The following COPG2 variants were observed in gnomAD, a reference collection of about 807,000 sequenced individuals.
COPG2 encodes the protein coatomer subunit gamma-2.
In COPG2, 37 loss-of-function variants were observed where a neutral mutation model predicts 46.3. That is an observed-to-expected ratio of 0.80 (90% CI 0.61 to 1.05). The LOEUF is 1.05. COPG2 is among the 50% of genes least tolerant of loss of function. The pLI is 0.00. For missense variants in COPG2, 427 were observed against 387.8 expected, an observed-to-expected ratio of 1.10 and a Z score of -0.85; for synonymous variants, 159 against 129.7, an observed-to-expected ratio of 1.23 and a Z score of -1.53.
intron 5 of COPG2, among the ~76,000 whole-genome samples, chr7:130,617,279 CAAA>C (rs1388507352): frequency 6.6e-6 from 1 of 152,068 alleles, no homozygotes; most frequent in Non-Finnish European, 1.5e-5. Flanking sequence ...TAGTAAAAAG[CAAA>C]AAGTCCTTTG....
intron 20 of COPG2, among the ~76,000 whole-genome samples, chr7:130,518,990 A>AGC (rs1295015970): frequency 1.6e-5 from 2 of 125,122 alleles, no homozygotes. Context: ...TGGGCAACAG[A>AGC]GTGAGACTCT....
In COPG2 at chr7:130,520,840, A is replaced by C. The variant is rs899680509; in HGVS notation, c.2150-12181T>G. Reference sequence around the variant, plus strand: ...TTGAAAACATTCCATTGTTCCTTGCAGTATAGAAGGCAAATGCAATTATAG... The same window carrying C: ...TTGAAAACATTCCATTGTTCCTTGCCGTATAGAAGGCAAATGCAATTATAG... On this transcript the variant is annotated intron_variant, in intron 20 of 23. Coordinates refer to ENST00000425248, the MANE Select transcript of COPG2 (RefSeq NM_012133.6). 2.6e-5 allele frequency among the ~76,000 whole-genome samples: 4 copies of C among 152,212 alleles called. No homozygotes were observed. The East Asian group carries it at 7.7e-4, about 29-fold the overall frequency.
chr7:130,524,411 C>A (rs1799755148), intron 20 of COPG2, among the ~76,000 whole-genome samples: 1 of 152,130 alleles, frequency 6.6e-6, no homozygotes, highest in Non-Finnish European at 1.5e-5. Flanking sequence ...GGAGAAACGA[C>A]CAACCTGCGC....
chr7:130,564,149 A>G (rs1793764259), intron 10 of COPG2, 111 bp downstream of exon 10: 11 of 397,796 alleles, frequency 2.8e-5, no homozygotes, highest in Non-Finnish European at 4.4e-5. Context: ...AAGGCTATAT[A>G]TACACAGAGC....
intron 5 of COPG2, among the ~76,000 whole-genome samples, chr7:130,633,886 T>A (rs1325064209): frequency 3.3e-5 from 5 of 152,252 alleles, no homozygotes; most frequent in African/African-American, 1.2e-4. Context: ...CATTTTGAGT[T>A]AATTTTTGTA....
At chr7:130,632,828 G>C (rs1795256530) in intron 5 of COPG2, among the ~76,000 whole-genome samples, 1 of 151,948 alleles carries the variant, frequency 6.6e-6, no homozygotes, top group Non-Finnish European at 1.5e-5. Context: ...ATGTGCCACG[G>C]TGGTTTGCTG....
At chr7:130,654,088 A>G (rs1422421541) in intron 4 of COPG2, among the ~76,000 whole-genome samples, 1 of 152,206 alleles carries the variant, frequency 6.6e-6, no homozygotes, top group African/African-American at 2.4e-5. Flanking sequence ...TACTTATCCA[A>G]TGAAAAATTA....
chr7:130,518,966 A>G (rs1799701986), intron 20 of COPG2, among the ~76,000 whole-genome samples: 1 of 147,430 alleles, frequency 6.8e-6, no homozygotes, highest in Admixed American at 6.9e-5. Context: ...AGATGGCACC[A>G]CTGCACTCCA....
At chr7:130,655,307 G>T (rs1795827721) in intron 4 of COPG2, among the ~76,000 whole-genome samples, 1 of 151,820 alleles carries the variant, frequency 6.6e-6, no homozygotes, top group South Asian at 2.1e-4. Flanking sequence ...TTTAGTGTAA[G>T]GTTATAGTAT....
At chr7:130,636,142 A>C (rs1205527734) in intron 5 of COPG2, among the ~76,000 whole-genome samples, 5 of 152,136 alleles carry the variant, frequency 3.3e-5, no homozygotes, top group African/African-American at 1.2e-4. Context: ...CAATTTTAGA[A>C]TATGTCCAAT....
intron 3 of COPG2, 23 bp downstream of exon 3, chr7:130,666,826 T>C (rs1427696055): frequency 2.8e-6 from 3 of 1,078,678 alleles, no homozygotes; most frequent in Non-Finnish European, 4.2e-6. Flanking sequence ...CACACTTATC[T>C]GAGGAAAATA....
chr7:130,512,273 T>C (rs377487727), intron 20 of COPG2, among the ~76,000 whole-genome samples: 110 of 150,526 alleles, frequency 7.3e-4, no homozygotes, highest in Non-Finnish European at 9.0e-4. Context: ...CCAAGCCCCA[T>C]TGCACTCCAG....
chr7:130,563,710 C>T (rs1377634328), intron 10 of COPG2, among the ~76,000 whole-genome samples: 1 of 131,958 alleles, frequency 7.6e-6, no homozygotes, highest in African/African-American at 2.8e-5. Context: ...GCCGAGCTAT[C>T]GTGCCACTGC....
intron 14 of COPG2, among the ~76,000 whole-genome samples, chr7:130,554,024 G>A (rs1793576046): frequency 6.6e-6 from 1 of 152,164 alleles, no homozygotes; most frequent in African/African-American, 2.4e-5. Flanking sequence ...CATGCAGGCA[G>A]CTAATAACGG....
intron 9 of COPG2, among the ~76,000 whole-genome samples, chr7:130,575,843 T>C (rs898087721): frequency 1.3e-5 from 2 of 152,050 alleles, no homozygotes; most frequent in Admixed American, 6.5e-5. Flanking sequence ...ACCTAACACA[T>C]ACTCTCATAA....
chr7:130,512,116 C>T (rs1325085053), intron 20 of COPG2, among the ~76,000 whole-genome samples: 2 of 150,002 alleles, frequency 1.3e-5, no homozygotes, highest in Non-Finnish European at 3.0e-5. Flanking sequence ...TGCTTGTAAT[C>T]CCAGCTACTT....
At chr7:130,638,956 C>G (rs1795404371) in intron 5 of COPG2, among the ~76,000 whole-genome samples, 1 of 152,180 alleles carries the variant, frequency 6.6e-6, no homozygotes, top group South Asian at 2.1e-4. Context: ...GGTGCAGTCC[C>G]TTATAGCTTC....
chr7:130,519,523 A>C (rs1799708201), intron 20 of COPG2, among the ~76,000 whole-genome samples: 1 of 152,216 alleles, frequency 6.6e-6, no homozygotes, highest in Non-Finnish European at 1.5e-5. Flanking sequence ...ATATCCACTA[A>C]ATGATACAGC....
intron 9 of COPG2, among the ~76,000 whole-genome samples, chr7:130,569,594 C>G (rs983941740): frequency 6.6e-6 from 1 of 152,016 alleles, no homozygotes; most frequent in Admixed American, 6.5e-5. Context: ...AAGTCCAAGA[C>G]CAGATAAACT....
Sources: allele counts gnomAD v4.1 joint callset (sites outside exome capture counted in the v4.1 genomes callset), GRCh38; gene constraint gnomAD v4.1.1; transcripts MANE v1.5; gene names NCBI Gene and HGNC (gene_info 2026-07-23, HGNC 2026-07-21).